The following PDS5B variants were observed in gnomAD, a reference collection of about 807,000 sequenced individuals.
The protein encoded by PDS5B is sister chromatid cohesion protein PDS5 homolog B.
PDS5B carries 51 observed loss-of-function variants against 184.1 expected under a neutral mutation model. That is an observed-to-expected ratio of 0.28 (90% confidence interval 0.22 to 0.35). The LOEUF (loss-of-function observed/expected upper bound fraction) is 0.35. PDS5B is among the 10% of genes least tolerant of loss of function. The probability of loss-of-function intolerance (pLI) is 1.00; values close to 1 mark genes in which losing one functional copy is unlikely to be tolerated. For synonymous variants in PDS5B, 566 were observed against 569.2 expected (o/e 0.99, Z 0.08); for missense variants, 1,180 against 1,723.3 (o/e 0.68, Z 5.58).
chr13:32,658,670 G>T, intron 5 of PDS5B, 139 bp downstream of exon 5: 1 of 542,644 alleles, frequency 1.8e-6, no homozygotes, highest in Non-Finnish European at 3.3e-6. Flanking sequence ...TTTTATACAT[G>T]TTTCAAAAAT....
chr13:32,754,657 G>A (rs1171034234), intron 25 of PDS5B, among the ~76,000 whole-genome samples: 5 of 151,938 alleles, frequency 3.3e-5, no homozygotes, highest in Admixed American at 3.3e-4. Flanking sequence ...TTTACCTGTC[G>A]TATTTTGGCA....
intron 1 of PDS5B, among the ~76,000 whole-genome samples, chr13:32,598,370 G>A (rs1479609427): frequency 6.6e-6 from 1 of 151,942 alleles, no homozygotes; most frequent in African/African-American, 2.4e-5. Flanking sequence ...ACCGCGCCTG[G>A]CCAGGATTTT....
intron 1 of PDS5B, among the ~76,000 whole-genome samples, chr13:32,588,118 C>G (rs889324603): frequency 6.6e-6 from 1 of 152,206 alleles, no homozygotes; most frequent in Non-Finnish European, 1.5e-5. Flanking sequence ...AAAGACAGCT[C>G]TTCATGCAGT....
intron 24 of PDS5B, among the ~76,000 whole-genome samples, chr13:32,750,038 C>T (rs1347575214): frequency 6.6e-6 from 1 of 152,134 alleles, no homozygotes; most frequent in Non-Finnish European, 1.5e-5. Flanking sequence ...CCTCAGTTCC[C>T]AGTAGCGCTT....
chr13:32,628,323 A>G (rs546776414), intron 1 of PDS5B, among the ~76,000 whole-genome samples: 1 of 152,042 alleles, frequency 6.6e-6, no homozygotes, highest in Non-Finnish European at 1.5e-5. Context: ...TTGGGAGGCT[A>G]TGGTGGGTGG....
intron 28 of PDS5B, 25 bp downstream of exon 28, chr13:32,758,678 G>A (rs756067566): frequency 3.1e-6 from 5 of 1,609,850 alleles, no homozygotes; most frequent in Non-Finnish European, 4.2e-6. Flanking sequence ...ATTTGTTTGT[G>A]TAAGTTGAAA....
chr13:32,699,113 A>G (rs1347429476), intron 15 of PDS5B, among the ~76,000 whole-genome samples: 1 of 152,212 alleles, frequency 6.6e-6, no homozygotes, highest in African/African-American at 2.4e-5. Flanking sequence ...AAGATACCAC[A>G]GTCAACGTTT....
intron 19 of PDS5B, among the ~76,000 whole-genome samples, chr13:32,726,840 C>T (rs1439886185): frequency 6.6e-6 from 1 of 152,134 alleles, no homozygotes. Flanking sequence ...CACTTGAGCC[C>T]AGGAGTTTCA....
At position 32,741,488 on chromosome 13, in the gene PDS5B, CTT is replaced by C. The variant is rs529263409; in HGVS notation, c.2475+344_2475+345del. Among the ~76,000 whole-genome samples, 956 of 152,120 alleles carry C rather than the reference CTT, an allele frequency of 6.3e-3. 17 individuals are homozygous for C. Among genetic ancestry groups the C allele is most frequent in the African/African-American group, 0.022 (915 of 41,502 alleles). On this transcript the variant is annotated intron_variant, in intron 22 of 34. Transcript: ENST00000315596. ...ATCTTTTCCATGGGATTTAATAAAA[CTT>C]TTTATTTTTAAAAAATTCAGCCTAT...
At chr13:32,587,259 G>A (rs76403976) in intron 1 of PDS5B, among the ~76,000 whole-genome samples, 2,944 of 151,656 alleles carry the variant, frequency 0.019, 69 homozygotes, top group African/African-American at 0.06. Context: ...GTCCCTCGCC[G>A]CTCGCCGGAG....
intron 1 of PDS5B, among the ~76,000 whole-genome samples, chr13:32,636,100 A>G (rs1443912785): frequency 6.6e-6 from 1 of 152,178 alleles, no homozygotes; most frequent in Non-Finnish European, 1.5e-5. Flanking sequence ...CCAATTCAGC[A>G]TTCCCTAAAG....
chr13:32,635,341 CTTTTTT>C (rs576811097), intron 1 of PDS5B, among the ~76,000 whole-genome samples: 3 of 103,810 alleles, frequency 2.9e-5, no homozygotes, highest in Admixed American at 2.1e-4. Context: ...CCTGGCCTGT[CTTTTTT>C]TTTTTTTTTT....
intron 1 of PDS5B, among the ~76,000 whole-genome samples, chr13:32,634,364 C>G (rs1480879628): frequency 6.7e-6 from 1 of 149,210 alleles, no homozygotes; most frequent in African/African-American, 2.5e-5. Context: ...CTAGTTGATT[C>G]ACTTTTGTTT....
intron 7 of PDS5B, among the ~76,000 whole-genome samples, chr13:32,668,252 G>A (rs1950852122): frequency 6.6e-6 from 1 of 152,112 alleles, no homozygotes; most frequent in Non-Finnish European, 1.5e-5. Context: ...CTAATATTAA[G>A]ACCTAGAAAT....
intron 19 of PDS5B, among the ~76,000 whole-genome samples, chr13:32,728,338 A>G (rs933738905): frequency 6.6e-6 from 1 of 152,046 alleles, no homozygotes; most frequent in Admixed American, 6.6e-5. Context: ...TGTATATTAT[A>G]AGGGCTTTCT....
intron 1 of PDS5B, among the ~76,000 whole-genome samples, chr13:32,606,262 G>T (rs1462190749): frequency 6.6e-6 from 1 of 152,150 alleles, no homozygotes; most frequent in Non-Finnish European, 1.5e-5. Flanking sequence ...GGCAGGCCTG[G>T]TGGTGACAAA....
chr13:32,716,077 A>G (rs9596120), intron 19 of PDS5B, among the ~76,000 whole-genome samples: 52,917 of 150,880 alleles, frequency 0.35, 10,109 homozygotes, highest in Non-Finnish European at 0.43. Context: ...CTGCCCGGCC[A>G]CCACCCCGTC....
chr13:32,619,956 G>A (rs1286928918), intron 1 of PDS5B, among the ~76,000 whole-genome samples: 4 of 151,800 alleles, frequency 2.6e-5, no homozygotes, highest in South Asian at 2.1e-4. Context: ...CCGCAACCAC[G>A]CCCAGCTAAT....
chr13:32,604,653 A>T (rs1359040742), intron 1 of PDS5B, among the ~76,000 whole-genome samples: 1 of 152,198 alleles, frequency 6.6e-6, no homozygotes, highest in African/African-American at 2.4e-5. Context: ...GAATGGTACC[A>T]GCTCCTCTTT....
Sources: allele counts gnomAD v4.1 joint callset (sites outside exome capture counted in the v4.1 genomes callset), GRCh38; gene constraint gnomAD v4.1.1; transcripts MANE v1.5; gene names NCBI Gene and HGNC (gene_info 2026-07-23, HGNC 2026-07-21).